The following OTOG variants were observed in gnomAD, a reference collection of about 807,000 sequenced individuals.
OTOG encodes the protein otogelin.
A neutral mutation model predicts 313.8 loss-of-function variants in OTOG; 296 were observed. The ratio of observed to expected loss-of-function variants is 0.94; its 90% CI spans 0.86 to 1.04. The LOEUF (loss-of-function observed/expected upper bound fraction) is 1.04. Ranked by LOEUF, OTOG falls within the 50% of genes least tolerant of loss-of-function variation. OTOG has a pLI of 0.00. For missense variants in OTOG, 3,948 were observed against 3,840.1 expected, an observed-to-expected ratio of 1.03 and a Z score of -0.74; for synonymous variants, 1,533 against 1,554.9, an observed-to-expected ratio of 0.99 and a Z score of 0.33.
intron 39 of OTOG, among the ~76,000 whole-genome samples, chr11:17,615,231 A>T (rs1853691234): frequency 6.6e-6 from 1 of 152,192 alleles, no homozygotes; most frequent in African/African-American, 2.4e-5. Flanking sequence ...GAGTTTTGAG[A>T]ACTTTTCCTG....
In OTOG at chr11:17,605,994, G is replaced by T; in HGVS notation, c.4015G>T (p.Gly1339Trp). Residue 1339 changes from glycine to tryptophan, a missense_variant, in exon 33 of 56, where the codon GGG becomes TGG. Coordinates refer to ENST00000399397, the MANE Select transcript of OTOG (RefSeq NM_001292063.2). ...QQHASFLLHR[G>W]TRQAGLVALE... ...GCATGCCTCCTTCTTGCTGCACCGG[G>T]GGACACGGCAGGCAGGCCTGGTGGC... is the stretch of plus-strand genomic sequence containing the variant. 6.4e-7 allele frequency: 1 copy of T among 1,550,602 alleles called. No homozygotes were observed.
Position 17,573,181 on chromosome 11 carries a change from T to A in OTOG, c.2184T>A (p.Asp728Glu), listed in dbSNP as rs1027987015. ...PVPYFEQCRR[D>E]ACRCGQPCLC... ...CCTACTTTGAGCAGTGCCGCAGGGA[T>A]GCCTGCCGCTGCGGGCAGCCCTGCC... Residue 728 changes from aspartate to glutamate, a missense_variant, in exon 19 of 56, where the codon GAT (aspartate) becomes GAA (glutamate). Transcript: ENST00000399397. 5 of 1,541,010 alleles carry A rather than the reference T, an allele frequency of 3.2e-6. No individual in the cohort carries two copies. The highest frequency in any genetic ancestry group is 4.4e-6 in the Non-Finnish European group (5 of 1,146,822).
chr11:17,592,591 C>A (rs927716141), intron 25 of OTOG, among the ~76,000 whole-genome samples: 1 of 152,114 alleles, frequency 6.6e-6, no homozygotes, highest in Non-Finnish European at 1.5e-5. Flanking sequence ...GAATAAGATT[C>A]TACAATGTGC....
Position 17,554,141 on chromosome 11 carries a change from G to A in OTOG, c.540+622G>A, listed in dbSNP as rs554737317. ...GAGACTAGGGCCTCAGAGAAATGAT[G>A]GAGGTCCTGGGTGACTCAGTTTAGA... On this transcript the variant is annotated intron_variant, in intron 6 of 55. Transcript: ENST00000399397. 5.3e-5 allele frequency among the ~76,000 whole-genome samples: 8 copies of A among 152,280 alleles called. No homozygotes were observed. The East Asian group carries it at 1.5e-3, about 29-fold the overall frequency.
intron 47 of OTOG, among the ~76,000 whole-genome samples, chr11:17,636,189 G>A (rs1328459225): frequency 6.6e-6 from 1 of 152,040 alleles, no homozygotes; most frequent in Non-Finnish European, 1.5e-5. Flanking sequence ...TATTTTTATA[G>A]GGCCTGGTAC....
chr11:17,585,808 T>G (rs754556209), intron 23 of OTOG, among the ~76,000 whole-genome samples: 2 of 152,200 alleles, frequency 1.3e-5, no homozygotes, highest in Non-Finnish European at 2.9e-5. Context: ...ACCCTTTCTT[T>G]TCACCTCTTT....
chr11:17,609,624 G>A (rs976110904), intron 35 of OTOG, 31 bp from the exon 36 acceptor site: 34 of 1,458,488 alleles, frequency 2.3e-5, no homozygotes, highest in African/African-American at 4.3e-5. Flanking sequence ...CAGTCACCCC[G>A]CCTTCTGAAC....
chr11:17,547,342 C>A lies in OTOG; in HGVS notation c.-31C>A. On this transcript the variant is annotated 5_prime_UTR_variant, in exon 1 of 56. An upstream open reading frame in the 5' UTR gains an earlier in-frame stop. Coordinates refer to ENST00000399397, the MANE Select transcript of OTOG (RefSeq NM_001292063.2). ...GAGGCACCTCGGGAGGCTGGCCCTG[C>A]GCTCAAGTCCTCCGGTCCCCTCGTG... is the stretch of plus-strand genomic sequence containing the variant. The A allele has an allele frequency of 7.6e-7, 1 of 1,322,138 alleles. No individual in the cohort carries two copies. Among genetic ancestry groups the A allele is most frequent in the Non-Finnish European group, 9.6e-7 (1 of 1,040,026 alleles). 81.9% of individuals were successfully genotyped at this position (1,322,138 alleles called of 1,614,324 possible).
chr11:17,612,429 T>C, intron 37 of OTOG, 99 bp downstream of exon 37: 1 of 1,435,172 alleles, frequency 7.0e-7, no homozygotes, highest in Non-Finnish European at 9.2e-7. Context: ...TCCCCTCCTG[T>C]GGGACCCCGA....
intron 47 of OTOG, 144 bp downstream of exon 47, chr11:17,635,855 G>C (rs1854253000): frequency 2.9e-6 from 2 of 685,922 alleles, no homozygotes; most frequent in Non-Finnish European, 5.1e-6. Flanking sequence ...CTGAATCCAG[G>C]ACGAGTGCAG....
At chr11:17,598,297 T>G (rs1464286993) in intron 30 of OTOG, among the ~76,000 whole-genome samples, 1 of 152,238 alleles carries the variant, frequency 6.6e-6, no homozygotes. Flanking sequence ...GTAAAAATAC[T>G]GTGATGAACA....
intron 3 of OTOG, among the ~76,000 whole-genome samples, chr11:17,549,052 C>T (rs1342697202): frequency 6.6e-6 from 1 of 152,210 alleles, no homozygotes; most frequent in Non-Finnish European, 1.5e-5. Context: ...CACTGCCCAT[C>T]TTCCCACGGT....
At chr11:17,548,649 T>C (rs977205669) in intron 3 of OTOG, among the ~76,000 whole-genome samples, 1 of 152,048 alleles carries the variant, frequency 6.6e-6, no homozygotes, top group African/African-American at 2.4e-5. Context: ...AGACAAAAAC[T>C]AGGCCACCTG....
chr11:17,574,750 GC>G lies in OTOG; in HGVS notation c.2328del (p.Cys777AlafsTer26). On this transcript the variant is annotated frameshift_variant, in exon 20 of 56. Transcript: ENST00000399397. LOFTEE classifies it high-confidence loss of function. The stretch of plus-strand genomic sequence containing the variant: ...TCCTGTGAGGCCTCCAAGGAGTATA[GC>G]CCCTGCGTGGCCCCGTGTGGACGTA... ...ALSCEASKEY[S>X]PCVAPCGRTC... The G allele has an allele frequency of 6.4e-7, 1 of 1,550,666 alleles. No homozygotes were observed.
intron 17 of OTOG, 88 bp from the exon 18 acceptor site, chr11:17,571,992 G>T (rs912658277): frequency 7.3e-6 from 11 of 1,507,288 alleles, no homozygotes; most frequent in Non-Finnish European, 9.8e-6. Flanking sequence ...GTGTATATGA[G>T]CAAGTAGGTG....
intron 38 of OTOG, 137 bp from the exon 39 acceptor site, chr11:17,613,475 G>A (rs1481482992): frequency 2.8e-6 from 2 of 718,184 alleles, no homozygotes; most frequent in Non-Finnish European, 4.8e-6. Flanking sequence ...GGCACCATCA[G>A]CCCAGCCTGA....
At chr11:17,593,007 C>A (rs775039785) in intron 25 of OTOG, among the ~76,000 whole-genome samples, 186 bp from the exon 26 acceptor site, 4 of 152,082 alleles carry the variant, frequency 2.6e-5, no homozygotes, top group African/African-American at 9.7e-5. Flanking sequence ...TGTTAAACAC[C>A]GCACTAGGCA....
At chr11:17,585,496 T>C (rs1852771286) in intron 23 of OTOG, among the ~76,000 whole-genome samples, 1 of 152,222 alleles carries the variant, frequency 6.6e-6, no homozygotes. Flanking sequence ...GTTCTGTTTT[T>C]TATTTCACTA....
At chr11:17,618,895 G>A (rs148638459) in intron 39 of OTOG, among the ~76,000 whole-genome samples, 7 of 152,166 alleles carry the variant, frequency 4.6e-5, no homozygotes, top group East Asian at 1.9e-4. Context: ...TGGTTTTAGC[G>A]TGTATACCTA....
Sources: gnomAD v4.1 joint callset for allele counts (sites outside exome capture counted in the v4.1 genomes callset) on GRCh38, gnomAD v4.1.1 for gene constraint, MANE v1.5 for transcripts, NCBI Gene and HGNC (gene_info 2026-07-23, HGNC 2026-07-21) for gene names.